GDAP1: variants seen among roughly 807,000 people sequenced by gnomAD.
GDAP1 encodes ganglioside induced differentiation associated protein 1.
A neutral mutation model predicts 40.1 loss-of-function variants in GDAP1; 34 were observed. That is an observed-to-expected ratio of 0.85 (90% CI 0.64 to 1.13). The LOEUF is 1.13. Among genes scored for constraint, GDAP1 ranks in the 50% most tolerant of loss-of-function variants. The pLI is 0.00. For missense variants in GDAP1, 374 were observed against 433.7 expected (o/e 0.86, Z 1.22); for synonymous variants, 170 against 157.4 (o/e 1.08, Z -0.60).
At chr8:74,415,684 G>A (rs78667088) in intron 2 of GDAP1, among the ~76,000 whole-genome samples, 27,385 of 149,644 alleles carry the variant, frequency 0.18, 3,360 homozygotes, top group Admixed American at 0.31. Context: ...GCATATGAGA[G>A]GGAGAAACAT....
chr8:74,397,453 A>T (rs372259304), intron 2 of GDAP1, among the ~76,000 whole-genome samples: 3 of 152,042 alleles, frequency 2.0e-5, no homozygotes, highest in Non-Finnish European at 2.9e-5. Flanking sequence ...CTGAATGGTA[A>T]TGCCTAGGTT....
intron 2 of GDAP1, among the ~76,000 whole-genome samples, chr8:74,391,177 G>A (rs1490241790): frequency 6.6e-6 from 1 of 150,848 alleles, no homozygotes; most frequent in Non-Finnish European, 1.5e-5. Flanking sequence ...CCGCTTTACA[G>A]GGTAGTGAAC....
chr8:74,356,219 G>A (rs1809085333), intron 2 of GDAP1, among the ~76,000 whole-genome samples: 1 of 152,046 alleles, frequency 6.6e-6, no homozygotes, highest in African/African-American at 2.4e-5. Flanking sequence ...AGTAAAAGTT[G>A]CTTTAAAAAG....
intron 2 of GDAP1, among the ~76,000 whole-genome samples, chr8:74,401,694 T>G (rs577953694): frequency 0.011 from 1,602 of 149,784 alleles, 25 homozygotes; most frequent in Non-Finnish European, 0.018. Flanking sequence ...TTTATCTACT[T>G]TTGGTCTTTG....
intron 2 of GDAP1, among the ~76,000 whole-genome samples, chr8:74,472,695 C>T (rs980457761): frequency 1.4e-5 from 2 of 146,296 alleles, no homozygotes; most frequent in African/African-American, 2.5e-5. Flanking sequence ...TCAGTGATAT[C>T]GATATTGAGC....
At chr8:74,395,812 T>C (rs1810188938) in intron 2 of GDAP1, among the ~76,000 whole-genome samples, 1 of 152,222 alleles carries the variant, frequency 6.6e-6, no homozygotes. Flanking sequence ...CTACTCACAT[T>C]TATTTTAACC....
chr8:74,483,671 C>T (rs1282368857), intron 2 of GDAP1, among the ~76,000 whole-genome samples: 1 of 152,048 alleles, frequency 6.6e-6, no homozygotes, highest in Non-Finnish European at 1.5e-5. Flanking sequence ...TATTTTTGGC[C>T]AGAAGGATCT....
Position 74,366,143 on chromosome 8 carries a change from A to G in GDAP1, c.*1776A>G. On this transcript the variant is annotated 3_prime_UTR_variant, in exon 6 of 6. Transcript: ENST00000220822. ...TCAATTTATATTATTCCTGAATCATAGGGAATCTTTCTAGAATGTGTTTAT... is the reference window on the plus strand; with the variant it reads ...TCAATTTATATTATTCCTGAATCATGGGGAATCTTTCTAGAATGTGTTTAT... 1 of 452,144 alleles carries G rather than the reference A, an allele frequency of 2.2e-6. No individual in the cohort carries two copies. The highest frequency in any genetic ancestry group is 4.4e-6 in the Non-Finnish European group (1 of 226,336). The allele number at this position is 452,144 out of a possible 1,614,324, so 28.0% of individuals were successfully genotyped here. A position where few individuals can be genotyped will look rare whatever the true frequency, so the allele number is the denominator to read the frequency against.
chr8:74,457,913 A>G (rs1251590375), intron 2 of GDAP1, among the ~76,000 whole-genome samples: 1 of 152,132 alleles, frequency 6.6e-6, no homozygotes, highest in Non-Finnish European at 1.5e-5. Context: ...GATTACCATG[A>G]TATTATCAGT....
rs964997906 is a variant in GDAP1, at chr8:74,408,033, T to TG, written c.165+56713dup. On this transcript the variant is annotated intron_variant, in intron 2 of 2. Transcript: ENST00000523640. ...ATGAACTTCCCTAAATGAAAATACT[T>TG]GTAGCCCAAATTACATTTTCACTCA... Among the ~76,000 whole-genome samples the TG allele has an allele frequency of 3.7e-4, 55 of 150,158 alleles. 3 individuals are homozygous for TG. The highest frequency in any genetic ancestry group is 1.3e-3 in the African/African-American group (52 of 39,470).
intron 2 of GDAP1, among the ~76,000 whole-genome samples, chr8:74,415,969 G>T (rs1018296975): frequency 3.3e-5 from 5 of 149,850 alleles, no homozygotes; most frequent in Non-Finnish European, 7.4e-5. Context: ...CATGGACTAG[G>T]AGGGTCATGG....
intron 2 of GDAP1, among the ~76,000 whole-genome samples, chr8:74,352,939 A>G (rs1808947196): frequency 6.6e-6 from 1 of 152,178 alleles, no homozygotes; most frequent in East Asian, 1.9e-4. Context: ...TTTTGGTAGC[A>G]TTGCCTGAAC....
chr8:74,422,194 TTCTTCTTTCTTTCTCTC>T (rs1805866526), intron 2 of GDAP1, among the ~76,000 whole-genome samples: 2 of 139,162 alleles, frequency 1.4e-5, no homozygotes, highest in South Asian at 2.3e-4. Context: ...TTTTTTCTCT[TTCTTCTTTCTTTCTCTC>T]TCTTCTTTCT....
chr8:74,377,690 A>T lies in GDAP1; in HGVS notation c.165+26369A>T, dbSNP rs187056913. 4.6e-5 allele frequency among the ~76,000 whole-genome samples: 7 copies of T among 152,356 alleles called. No homozygotes were observed. In the East Asian group the frequency reaches 1.2e-3, roughly 25 times the overall value. On this transcript the variant is annotated intron_variant, in intron 2 of 2. Transcript: ENST00000523640. ...ATTTACTTAAAGAAGATAAATTCACATCTGCTTTGGAAAACAGTGTGGCAG... is the reference window on the plus strand; with the variant it reads ...ATTTACTTAAAGAAGATAAATTCACTTCTGCTTTGGAAAACAGTGTGGCAG...
intron 2 of GDAP1, among the ~76,000 whole-genome samples, chr8:74,456,728 A>G (rs1200970909): frequency 6.6e-6 from 1 of 151,952 alleles, no homozygotes; most frequent in Non-Finnish European, 1.5e-5. Flanking sequence ...TAGGAAACCC[A>G]CTATGCAATT....
At chr8:74,446,896 G>A (rs951627469) in intron 2 of GDAP1, among the ~76,000 whole-genome samples, 1 of 152,132 alleles carries the variant, frequency 6.6e-6, no homozygotes, top group African/African-American at 2.4e-5. Flanking sequence ...TGATTGCAAG[G>A]GGCTGGGGGA....
intron 2 of GDAP1, among the ~76,000 whole-genome samples, chr8:74,410,704 A>C (rs572991998): frequency 6.7e-6 from 1 of 150,182 alleles, no homozygotes; most frequent in Non-Finnish European, 1.5e-5. Context: ...AAGGTGGACA[A>C]GTCTGGGAAC....
intron 2 of GDAP1, among the ~76,000 whole-genome samples, chr8:74,372,540 T>C (rs1809772684): frequency 6.6e-6 from 1 of 152,272 alleles, no homozygotes; most frequent in African/African-American, 2.4e-5. Context: ...CATTTTTTCA[T>C]GTATCTGTTG....
At chr8:74,426,655 C>T (rs936662167) in intron 2 of GDAP1, among the ~76,000 whole-genome samples, 2 of 152,190 alleles carry the variant, frequency 1.3e-5, no homozygotes, top group Non-Finnish European at 2.9e-5. Flanking sequence ...AGATTGAATG[C>T]TGGCTAGAAG....
Sources: allele counts gnomAD v4.1 joint callset (sites outside exome capture counted in the v4.1 genomes callset), GRCh38; gene constraint gnomAD v4.1.1; transcripts MANE v1.5; gene names NCBI Gene and HGNC (gene_info 2026-07-23, HGNC 2026-07-21).